Variants in ANK2 observed in about 807,000 individuals in gnomAD.
ANK2 encodes ankyrin-2.
A neutral mutation model predicts 360.5 loss-of-function variants in ANK2; 83 were observed. The observed-to-expected ratio is 0.23, with a 90% CI of 0.19 to 0.28. The LOEUF is 0.28. Among genes scored for constraint, ANK2 ranks in the 10% least tolerant of loss-of-function variants. ANK2 has a pLI of 1.00. For missense variants in ANK2, 4,201 were observed against 4,795.7 expected, an observed-to-expected ratio of 0.88 and a Z score of 3.66; for synonymous variants, 1,740 against 1,759.5, an observed-to-expected ratio of 0.99 and a Z score of 0.28.
chr4:113,275,538 T>C (rs2059911974), intron 15 of ANK2, among the ~76,000 whole-genome samples: 1 of 152,138 alleles, frequency 6.6e-6, no homozygotes, highest in Non-Finnish European at 1.5e-5. Flanking sequence ...TAAACTGAGA[T>C]AGTGATGTGG....
intron 1 of ANK2, among the ~76,000 whole-genome samples, chr4:112,900,806 G>A (rs923530874): frequency 7.2e-5 from 11 of 152,104 alleles, no homozygotes; most frequent in African/African-American, 2.7e-4. Flanking sequence ...GCCTGACCCA[G>A]CAATATGCCA....
chr4:113,303,080 T>C (rs925627591), intron 23 of ANK2, among the ~76,000 whole-genome samples: 2 of 152,200 alleles, frequency 1.3e-5, no homozygotes, highest in Non-Finnish European at 2.9e-5. Flanking sequence ...TTAATGGCTA[T>C]TAAATAATAT....
chr4:112,885,796 C>CAAAAAAAAAAAAA (rs750277917), intron 1 of ANK2, among the ~76,000 whole-genome samples: 8 of 26,972 alleles, frequency 3.0e-4, no homozygotes, highest in African/African-American at 8.0e-4. Flanking sequence ...GACTCTGTCT[C>CAAAAAAAAAAAAA]AAAAAAAAAA....
At chr4:113,368,305 T>C (rs1299030559) in intron 42 of ANK2, among the ~76,000 whole-genome samples, 1 of 152,162 alleles carries the variant, frequency 6.6e-6, no homozygotes, top group Non-Finnish European at 1.5e-5. Context: ...CCATTGCTGG[T>C]TAGGAGTATG....
chr4:112,722,309 CCA>C, the ANK2 span, among the ~76,000 whole-genome samples: 9 of 152,186 alleles, frequency 5.9e-5, no homozygotes, highest in Non-Finnish European at 1.0e-4. Flanking sequence ...AAGCTGTGCT[CCA>C]GAGTCACAGC....
In ANK2 at chr4:113,136,665, C is replaced by A. The variant is rs552317894; in HGVS notation, c.85-37751C>A. Among the ~76,000 whole-genome samples, 11 of 152,086 alleles carry A rather than the reference C, an allele frequency of 7.2e-5. No homozygotes were observed. The East Asian group carries it at 1.7e-3, about 24-fold the overall frequency. On this transcript the variant is annotated intron_variant, in intron 1 of 45. Coordinates refer to ENST00000357077, the MANE Select transcript of ANK2 (RefSeq NM_001148.6). ...CTCCAGCTTGGGTGGCAGAGCCAGA[C>A]CCTGTCTCAAAACAAACAAATAAAC...
At chr4:113,021,883 A>C (rs1380724371) in intron 2 of ANK2, among the ~76,000 whole-genome samples, 1 of 152,136 alleles carries the variant, frequency 6.6e-6, no homozygotes, top group Non-Finnish European at 1.5e-5. Context: ...ACAATAACGA[A>C]AGTAATGCTT....
intron 1 of ANK2, among the ~76,000 whole-genome samples, chr4:113,084,298 G>C (rs536964040): frequency 1.3e-5 from 2 of 152,296 alleles, no homozygotes; most frequent in African/African-American, 4.8e-5. Flanking sequence ...CAAAAACAAC[G>C]CTTCTCTGTG....
intron 1 of ANK2, among the ~76,000 whole-genome samples, chr4:112,889,115 A>G (rs2079208664): frequency 6.6e-6 from 1 of 152,050 alleles, no homozygotes; most frequent in African/African-American, 2.4e-5. Flanking sequence ...AAAAATCTCA[A>G]TTTATTTAAG....
intron 4 of ANK2, among the ~76,000 whole-genome samples, chr4:113,223,179 A>G (rs1310557985): frequency 6.6e-6 from 1 of 152,164 alleles, no homozygotes; most frequent in Non-Finnish European, 1.5e-5. Context: ...ATTCCAAGGA[A>G]GAAGAAGATG....
chr4:113,211,207 G>T (rs2099017097), intron 4 of ANK2, among the ~76,000 whole-genome samples: 1 of 152,184 alleles, frequency 6.6e-6, no homozygotes, highest in South Asian at 2.1e-4. Flanking sequence ...GACTAGGAAA[G>T]GATTCTTGCA....
intron 2 of ANK2, among the ~76,000 whole-genome samples, chr4:112,964,804 C>T (rs1237934581): frequency 2.0e-5 from 3 of 152,072 alleles, no homozygotes; most frequent in African/African-American, 7.2e-5. Context: ...CTCATGACCT[C>T]GTGATCTGCC....
At chr4:113,046,129 A>G (rs1359845820), upstream of ANK2, among the ~76,000 whole-genome samples, 1 of 152,156 alleles carries the variant, frequency 6.6e-6, no homozygotes, top group Admixed American at 6.5e-5. Context: ...CTTTCAGAAG[A>G]GGAAAGATGA....
chr4:113,099,303 T>C (rs1017801920), intron 1 of ANK2, among the ~76,000 whole-genome samples: 2 of 151,910 alleles, frequency 1.3e-5, no homozygotes, highest in Non-Finnish European at 2.9e-5. Context: ...ATATTGATGA[T>C]AGCAGGATCA....
chr4:113,347,005 A>G (rs983577598), intron 35 of ANK2, among the ~76,000 whole-genome samples: 1 of 152,158 alleles, frequency 6.6e-6, no homozygotes, highest in African/African-American at 2.4e-5. Context: ...GTCAGTGTCT[A>G]TATAACAGGT....
chr4:112,933,043 A>C (rs954904648), intron 2 of ANK2, among the ~76,000 whole-genome samples: 1 of 152,166 alleles, frequency 6.6e-6, no homozygotes, highest in African/African-American at 2.4e-5. Context: ...TAAGCAGGGA[A>C]ATTTGGATAT....
chr4:113,195,545 A>C (rs17445088), intron 2 of ANK2, among the ~76,000 whole-genome samples: 3,383 of 152,242 alleles, frequency 0.022, 54 homozygotes, highest in Middle Eastern at 0.037. Context: ...TTCAATTTGC[A>C]TGTGAAAAAT....
Position 113,357,794 on chromosome 4 carries a change from T to G in ANK2, c.9176T>G (p.Val3059Gly). 6.2e-7 allele frequency: 1 copy of G among 1,613,838 alleles called. No homozygotes were observed. Among genetic ancestry groups the G allele is most frequent in the African/African-American group, 1.3e-5 (1 of 74,970 alleles). Residue 3059 changes from valine to glycine, a missense_variant, in exon 38 of 46, where the codon GTG becomes GGG. Physicochemically the swap from Val to Gly is moderately radical, Grantham distance 109 (BLOSUM62 -3). Transcript: ENST00000357077. ...REDDEAFEAR[V>G]KEEEQKIFGL... ...GACGATGAAGCCTTTGAGGCTCGTG[T>G]GAAAGAGGAAGAACAAAAGATATTT...
At chr4:113,051,332 G>A (rs534303597) in intron 1 of ANK2, among the ~76,000 whole-genome samples, 64 of 152,158 alleles carry the variant, frequency 4.2e-4, no homozygotes, top group African/African-American at 1.5e-3. Flanking sequence ...CTATTAAAGG[G>A]GTGGAGAATG....
Sources: gnomAD v4.1 joint callset for allele counts (sites outside exome capture counted in the v4.1 genomes callset) on GRCh38, gnomAD v4.1.1 for gene constraint, MANE v1.5 for transcripts, NCBI Gene and HGNC (gene_info 2026-07-23, HGNC 2026-07-21) for gene names.